The following DCPS variants were observed in gnomAD, a reference collection of about 807,000 sequenced individuals.
The protein encoded by DCPS is decapping enzyme, scavenger, also known as m7GpppX diphosphatase.
DCPS carries 27 observed loss-of-function variants against 34.7 expected under a neutral mutation model. The ratio of observed to expected loss-of-function variants is 0.78; its 90% confidence interval spans 0.57 to 1.07. The LOEUF is 1.07. Among genes scored for constraint, DCPS ranks in the 50% least tolerant of loss-of-function variants. DCPS has a pLI of 0.00. For synonymous variants in DCPS, 185 were observed against 185.7 expected (o/e 1.00, Z 0.03); for missense variants, 464 against 436.9 (o/e 1.06, Z -0.55).
At chr11:126,343,110 A>G (rs1167636593) in intron 4 of DCPS, among the ~76,000 whole-genome samples, 197 bp from the exon 5 acceptor site, 2 of 149,640 alleles carry the variant, frequency 1.3e-5, no homozygotes, top group Non-Finnish European at 3.0e-5. Flanking sequence ...GGTATTCTCT[A>G]GCAAGAAGCG....
In DCPS at chr11:126,328,813, C is replaced by T. The variant is rs537241253; in HGVS notation, c.377-2592C>T. Among the ~76,000 whole-genome samples the T allele has an allele frequency of 2.5e-4, 38 of 152,302 alleles. No homozygotes were observed. The highest frequency in any genetic ancestry group is 8.7e-4 in the African/African-American group (36 of 41,572). The stretch of plus-strand genomic sequence containing the variant: ...AGAATCCAAGCTAGCCTGGGGGGAG[C>T]GCTTTTCTCCATGTGAGGCACTTCC... On this transcript the variant is annotated intron_variant, in intron 2 of 5. Coordinates refer to ENST00000263579, the MANE Select transcript of DCPS (RefSeq NM_014026.6). The surrounding 1 kb of genome is among the most constrained non-coding windows in gnomAD (Gnocchi z 6.6).
intron 2 of DCPS, among the ~76,000 whole-genome samples, chr11:126,309,734 G>T (rs1951605927): frequency 6.6e-6 from 1 of 152,162 alleles, no homozygotes; most frequent in Admixed American, 6.5e-5. Context: ...TTGCTCCCTT[G>T]TTTAGCTGCA....
At position 126,323,016 on chromosome 11, in the gene DCPS, G is replaced by A. The variant is rs1951718940; in HGVS notation, c.377-8389G>A. The stretch of plus-strand genomic sequence containing the variant: ...CTAATTTATTATTTTTTGTAGAGAT[G>A]GGGTCTTGCCATGTAGCGCAGGCTG... On this transcript the variant is annotated intron_variant, in intron 2 of 5. Coordinates refer to ENST00000263579, the MANE Select transcript of DCPS (RefSeq NM_014026.6). This position sits in a 1 kb window ranked among gnomAD's most constrained non-coding sequence, Gnocchi z 4.4. 6.6e-6 allele frequency among the ~76,000 whole-genome samples: 1 copy of A among 152,182 alleles called. No individual in the cohort carries two copies. Among genetic ancestry groups the A allele is most frequent in the Non-Finnish European group, 1.5e-5 (1 of 68,014 alleles).
intron 2 of DCPS, among the ~76,000 whole-genome samples, chr11:126,330,735 T>A (rs1951782760): frequency 9.1e-6 from 1 of 110,142 alleles, no homozygotes; most frequent in Admixed American, 9.6e-5. Context: ...TTTTTTTTTT[T>A]TTTTTTTTTT....
Position 126,329,779 on chromosome 11 carries a change from C to T in DCPS, c.377-1626C>T, listed in dbSNP as rs542736113. ...GCGGGGTTAAAACCACCTATGACCT[C>T]AGACCAAATATGAAAGTATAGGTTG... On this transcript the variant is annotated intron_variant, in intron 2 of 5. Coordinates refer to ENST00000263579, the MANE Select transcript of DCPS (RefSeq NM_014026.6). The surrounding 1 kb of genome is among the most constrained non-coding windows in gnomAD (Gnocchi z 5.0). Among the ~76,000 whole-genome samples, 13 of 152,294 alleles carry T rather than the reference C, an allele frequency of 8.5e-5. No individual in the cohort carries two copies. In the South Asian group the frequency reaches 2.1e-3, roughly 24 times the overall value.
intron 2 of DCPS, among the ~76,000 whole-genome samples, chr11:126,321,091 C>CA (rs1203251917): frequency 2.0e-5 from 3 of 151,856 alleles, no homozygotes; most frequent in African/African-American, 7.3e-5. Context: ...CCTGTCTCTA[C>CA]AAAAAATACA....
Position 126,344,181 on chromosome 11 carries a change from GC to G in DCPS, c.747+768del, listed in dbSNP as rs755590744. On this transcript the variant is annotated intron_variant, in intron 5 of 5. Transcript: ENST00000263579. This position sits in a 1 kb window ranked among gnomAD's most constrained non-coding sequence, Gnocchi z 8.1. ...CGATGCCCAGCCAGGAGAGAGGTTT[GC>G]CCCTTTTTGACCAGTGATGCTTCGA... 1.3e-5 allele frequency among the ~76,000 whole-genome samples: 2 copies of G among 152,154 alleles called. No individual in the cohort carries two copies. Among genetic ancestry groups the G allele is most frequent in the African/African-American group, 4.8e-5 (2 of 41,448 alleles).
chr11:126,314,588 C>G (rs1479714185), intron 2 of DCPS, among the ~76,000 whole-genome samples: 1 of 152,024 alleles, frequency 6.6e-6, no homozygotes, highest in Non-Finnish European at 1.5e-5. Context: ...TGGAACCCAC[C>G]CAAATGTCCA....
At chr11:126,308,202 CTT>C (rs1448914454) in intron 2 of DCPS, among the ~76,000 whole-genome samples, 18 of 152,218 alleles carry the variant, frequency 1.2e-4, no homozygotes, top group Admixed American at 7.2e-4. Flanking sequence ...TTGTAGGCAG[CTT>C]TGTTGGAAAC....
intron 2 of DCPS, among the ~76,000 whole-genome samples, chr11:126,317,400 C>CTTTTT (rs11292533): frequency 1.4e-5 from 2 of 147,644 alleles, no homozygotes; most frequent in Non-Finnish European, 1.5e-5. Flanking sequence ...GCATTTTGCT[C>CTTTTT]TTTTTTTTTT....
rs916288868 is a variant in DCPS at position 126,336,541 on chromosome 11, C to T, written c.523-1745C>T. ...CTCCTTGGCTCAGAACCTGTTCACTCTCACTCTTATACTAGTCACAGGCAG... is the reference window on the plus strand; with the variant it reads ...CTCCTTGGCTCAGAACCTGTTCACTTTCACTCTTATACTAGTCACAGGCAG... On this transcript the variant is annotated intron_variant, in intron 3 of 5. Transcript: ENST00000263579. This position sits in a 1 kb window ranked among gnomAD's most constrained non-coding sequence, Gnocchi z 6.3. The T allele has an allele frequency of 6.6e-6, 1 of 152,248 alleles. No individual in the cohort carries two copies. The highest frequency in any genetic ancestry group is 2.4e-5 in the African/African-American group (1 of 41,462). 9.4% of individuals were successfully genotyped at this position (152,248 alleles called of 1,614,324 possible). A position where few individuals can be genotyped will look rare whatever the true frequency, so the allele number is the denominator to read the frequency against.
Position 126,308,046 on chromosome 11 carries a change from G to A in DCPS, c.376+1302G>A, listed in dbSNP as rs537704566. Among the ~76,000 whole-genome samples, 265 of 152,306 alleles carry A rather than the reference G, an allele frequency of 1.7e-3. 1 individual carries two copies. The highest frequency in any genetic ancestry group is 6.3e-3 in the African/African-American group (261 of 41,590). On this transcript the variant is annotated intron_variant, in intron 2 of 5. Transcript: ENST00000263579. The stretch of plus-strand genomic sequence containing the variant: ...TGGGAGAGACAACTAGTGAGATCAA[G>A]GGGGATGGGAGAGAAGGGCAAGAAC...
intron 2 of DCPS, among the ~76,000 whole-genome samples, chr11:126,311,501 T>C (rs1951618149): frequency 6.6e-6 from 1 of 152,180 alleles, no homozygotes; most frequent in Non-Finnish European, 1.5e-5. Context: ...TGAGTGGCCA[T>C]GAGCAGGAGA....
Position 126,347,780 on chromosome 11 carries a change from C to CT in DCPS, c.*2168dup, listed in dbSNP as rs1414126353. Among the ~76,000 whole-genome samples the CT allele has an allele frequency of 6.6e-6, 1 of 152,202 alleles. No homozygotes were observed. Among genetic ancestry groups the CT allele is most frequent in the Non-Finnish European group, 1.5e-5 (1 of 68,030 alleles). On this transcript the variant is annotated 3_prime_UTR_variant, in exon 6 of 6. Coordinates refer to ENST00000263579, the MANE Select transcript of DCPS (RefSeq NM_014026.6). The surrounding 1 kb of genome is among the most constrained non-coding windows in gnomAD (Gnocchi z 4.2). ...AGTGTCCAGCTTGCAGGAATGCTCC[C>CT]TGCGTCTCAGTTGTGCCCATTCCAG...
rs1024743247 is a variant in DCPS, at chr11:126,348,282, G to A, written c.*2669G>A. Among the ~76,000 whole-genome samples, 2 of 152,132 alleles carry A rather than the reference G, an allele frequency of 1.3e-5. No individual in the cohort carries two copies. The highest frequency in any genetic ancestry group is 2.4e-5 in the African/African-American group (1 of 41,414). On this transcript the variant is annotated 3_prime_UTR_variant, in exon 6 of 6. Coordinates refer to ENST00000263579, the MANE Select transcript of DCPS (RefSeq NM_014026.6). The surrounding 1 kb of genome is among the most constrained non-coding windows in gnomAD (Gnocchi z 5.3). ...TGTCTTCCTTCTGCCCACTCTGTGG[G>A]GAGGAGCCTCTCTGGGATAGCGTCC...
At chr11:126,326,811 T>A (rs1020254321) in intron 2 of DCPS, among the ~76,000 whole-genome samples, 2 of 151,784 alleles carry the variant, frequency 1.3e-5, no homozygotes, top group East Asian at 3.9e-4. Flanking sequence ...TAGTCCCAGC[T>A]ACTCAGGAGG....
Position 126,322,555 on chromosome 11 carries a change from T to C in DCPS, c.377-8850T>C, listed in dbSNP as rs1040961138. ...CTGGGATTACAGGTGTTAGCCACTA[T>C]GCCCAGCCAGCATTCAGATTTTCTT... is the stretch of plus-strand genomic sequence containing the variant. On this transcript the variant is annotated intron_variant, in intron 2 of 5. Transcript: ENST00000263579. This position sits in a 1 kb window ranked among gnomAD's most constrained non-coding sequence, Gnocchi z 4.2. Among the ~76,000 whole-genome samples, 1 of 151,764 alleles carries C rather than the reference T, an allele frequency of 6.6e-6. No individual in the cohort carries two copies. Among genetic ancestry groups the C allele is most frequent in the Non-Finnish European group, 1.5e-5 (1 of 67,978 alleles).
chr11:126,307,332 CAAAAA>C (rs113182860), intron 2 of DCPS, among the ~76,000 whole-genome samples: 1 of 83,458 alleles, frequency 1.2e-5, no homozygotes. Flanking sequence ...AACCCTATCT[CAAAAA>C]AAAAAAAAAA....
chr11:126,345,511 CT>C lies in DCPS; in HGVS notation c.914del (p.Leu305TrpfsTer99). 1.2e-6 allele frequency: 2 copies of C among 1,614,152 alleles called. No homozygotes were observed. The highest frequency in any genetic ancestry group is 1.7e-6 in the Non-Finnish European group (2 of 1,180,036). ...AHLLAEVIEN[L>X]ECDPRHYQQR... ...ACCTGCTGGCTGAGGTGATCGAGAA[CT>C]TGGAGTGTGACCCTAGGCACTACCA... On this transcript the variant is annotated frameshift_variant, in exon 6 of 6. Coordinates refer to ENST00000263579, the MANE Select transcript of DCPS (RefSeq NM_014026.6). LOFTEE classifies it high-confidence loss of function. The surrounding 1 kb of genome is among the most constrained non-coding windows in gnomAD (Gnocchi z 7.4).
Sources: allele counts gnomAD v4.1 joint callset (sites outside exome capture counted in the v4.1 genomes callset), GRCh38; gene constraint gnomAD v4.1.1; non-coding constraint Gnocchi (gnomAD v3.1); transcripts MANE v1.5; gene names NCBI Gene and HGNC (gene_info 2026-07-23, HGNC 2026-07-21).